KANSL1: variants seen among roughly 807,000 people sequenced by gnomAD.
The protein encoded by KANSL1 is MLL1/MLL complex subunit KANSL1.
In KANSL1, 22 loss-of-function variants were observed where a neutral mutation model predicts 103.6. The ratio of observed to expected loss-of-function variants is 0.21; its 90% CI spans 0.15 to 0.30. The LOEUF is 0.30. Ranked by LOEUF, KANSL1 falls within the 10% of genes least tolerant of loss-of-function variation. The pLI, the probability that KANSL1 is intolerant of heterozygous loss-of-function variation, is 1.00. For missense variants in KANSL1, 1,337 were observed against 1,399.8 expected, an observed-to-expected ratio of 0.96 and a Z score of 0.72; for synonymous variants, 600 against 527.6, an observed-to-expected ratio of 1.14 and a Z score of -1.88.
chr17:46,181,192 G>A (rs2046774205), intron 1 of KANSL1, among the ~76,000 whole-genome samples: 1 of 152,200 alleles, frequency 6.6e-6, no homozygotes, highest in South Asian at 2.1e-4. Context: ...ATAAAGAATG[G>A]AAAGAAAGCT....
rs139564524 is a variant in KANSL1, at chr17:46,171,038, T to C, written c.1106A>G (p.Asn369Ser). Reference sequence around the variant, plus strand: ...TGAAATTGAATTGCTTTTCAGAAAGTTGCTAAGTCCCTCTGAAGTGGTGGT... The same window carrying C: ...TGAAATTGAATTGCTTTTCAGAAAGCTGCTAAGTCCCTCTGAAGTGGTGGT... Reference protein sequence around the residue: ...SETTTSEGLSNFLKSNSISEE... With the variant: ...SETTTSEGLSSFLKSNSISEE... The change falls in exon 2 of 15, where the codon AAC becomes AGC. Residue 369 changes from asparagine (N) to serine (S), a missense_variant. This residue lies in a region of KANSL1 where 557 missense variants were observed against 476.4 expected (regional missense o/e 1.17). Coordinates refer to ENST00000432791, the MANE Select transcript of KANSL1 (RefSeq NM_015443.4). The C allele has an allele frequency of 4.3e-6, 7 of 1,614,100 alleles. No homozygotes were observed. Among genetic ancestry groups the C allele is most frequent in the Middle Eastern group, 1.6e-4 (1 of 6,084 alleles).
chr17:46,056,083 C>T (rs981492022), intron 6 of KANSL1, among the ~76,000 whole-genome samples: 1 of 152,166 alleles, frequency 6.6e-6, no homozygotes, highest in African/African-American at 2.4e-5. Context: ...ACTGCAACCT[C>T]CATCTCCGGG....
intron 9 of KANSL1, 163 bp from the exon 10 acceptor site, chr17:46,038,849 G>T: frequency 1.8e-6 from 2 of 1,119,524 alleles, no homozygotes; most frequent in Non-Finnish European, 2.6e-6. Flanking sequence ...TAGGGGCAGG[G>T]CAGAGGTTGC....
upstream of KANSL1, among the ~76,000 whole-genome samples, chr17:46,197,289 C>T (rs2047643821): frequency 6.6e-6 from 1 of 152,260 alleles, no homozygotes; most frequent in African/African-American, 2.4e-5. Context: ...AATCCACCTA[C>T]AACTCATGTT....
intron 1 of KANSL1, among the ~76,000 whole-genome samples, chr17:46,219,167 G>C (rs1368302375): frequency 6.6e-6 from 1 of 151,960 alleles, no homozygotes; most frequent in Non-Finnish European, 1.5e-5. Flanking sequence ...GGGAGGCTGA[G>C]GCAGGAGAAT....
At chr17:46,037,122 A>G (rs1598452055) in intron 10 of KANSL1, among the ~76,000 whole-genome samples, 1 of 152,318 alleles carries the variant, frequency 6.6e-6, no homozygotes, top group East Asian at 1.9e-4. Context: ...AAATGGTAAA[A>G]ATTTCAAGTG....
At chr17:46,086,937 T>C (rs1335895664) in intron 3 of KANSL1, among the ~76,000 whole-genome samples, 1 of 152,116 alleles carries the variant, frequency 6.6e-6, no homozygotes, top group African/African-American at 2.4e-5. Flanking sequence ...TGGCTAGTTT[T>C]TTGTATTTTT....
At chr17:46,160,236 A>T (rs978914155) in intron 2 of KANSL1, among the ~76,000 whole-genome samples, 8 of 152,066 alleles carry the variant, frequency 5.3e-5, no homozygotes, top group South Asian at 2.1e-4. Context: ...TTCCTTTTTT[A>T]AAAAAAATAA....
chr17:46,051,849 A>C (rs1158798502), intron 6 of KANSL1, among the ~76,000 whole-genome samples: 1 of 152,228 alleles, frequency 6.6e-6, no homozygotes, highest in African/African-American at 2.4e-5. Context: ...ACATAAGAAC[A>C]ATGTGGTCTT....
chr17:46,058,733 ACACACACACACT>A lies in KANSL1; in HGVS notation c.1848+7792_1848+7803del, dbSNP rs1432497198. The stretch of plus-strand genomic sequence containing the variant: ...AAAACACACACACACACACACACAC[ACACACACACACT>A]CTCTCTCTCTCTCTCTCTCTCTCTC... On this transcript the variant is annotated intron_variant, in intron 6 of 14. Transcript: ENST00000432791. 2.0e-3 allele frequency among the ~76,000 whole-genome samples: 124 copies of A among 61,266 alleles called. 1 individual carries two copies. The highest frequency in any genetic ancestry group is 8.3e-3 in the East Asian group (33 of 3,970). 40.2% of individuals were successfully genotyped at this position (61,266 alleles called of 152,430 possible).
At chr17:46,139,786 C>G (rs1225966735) in intron 2 of KANSL1, among the ~76,000 whole-genome samples, 2 of 151,898 alleles carry the variant, frequency 1.3e-5, no homozygotes, top group Non-Finnish European at 2.9e-5. Flanking sequence ...GGAAACTAAC[C>G]CTCCACGAAC....
intron 2 of KANSL1, among the ~76,000 whole-genome samples, chr17:46,144,239 C>G (rs2044578870): frequency 6.6e-6 from 1 of 152,326 alleles, no homozygotes; most frequent in African/African-American, 2.4e-5. Context: ...CTGCACAGTT[C>G]TAGACTTCCT....
intron 2 of KANSL1, among the ~76,000 whole-genome samples, chr17:46,096,067 T>C: frequency 6.6e-6 from 1 of 151,862 alleles, no homozygotes; most frequent in East Asian, 1.9e-4. Flanking sequence ...GGAACCACCA[T>C]TTTTGAAAAA....
At chr17:46,213,221 G>GT (rs1189101345) in intron 1 of KANSL1, among the ~76,000 whole-genome samples, 1 of 152,266 alleles carries the variant, frequency 6.6e-6, no homozygotes, top group Non-Finnish European at 1.5e-5. Context: ...AAAATACTGT[G>GT]TATCTAAACT....
At chr17:46,127,976 C>G (rs1460808773) in intron 2 of KANSL1, among the ~76,000 whole-genome samples, 1 of 149,458 alleles carries the variant, frequency 6.7e-6, no homozygotes, top group Non-Finnish European at 1.5e-5. Flanking sequence ...CCAAACACCC[C>G]TTCCCTAATT....
intron 10 of KANSL1, chr17:46,035,029 C>CAACTCTTGGAAAAAT (rs2077107536): frequency 6.6e-6 from 1 of 152,156 alleles, no homozygotes; most frequent in Non-Finnish European, 1.5e-5. Context: ...ATAAGACTTC[C>CAACTCTTGGAAAAAT]AAGGATCGAA....
intron 4 of KANSL1, among the ~76,000 whole-genome samples, chr17:46,070,746 G>A (rs2078545403): frequency 6.6e-6 from 1 of 151,758 alleles, no homozygotes; most frequent in Non-Finnish European, 1.5e-5. Flanking sequence ...TTTATATATG[G>A]TATATATAAT....
intron 1 of KANSL1, among the ~76,000 whole-genome samples, chr17:46,217,044 GC>G: frequency 6.6e-6 from 1 of 151,944 alleles, no homozygotes; most frequent in Non-Finnish European, 1.5e-5. Flanking sequence ...GGGTTAGGGG[GC>G]TGGAGGTTGC....
At chr17:46,170,431 G>A in intron 2 of KANSL1, 1 of 190,580 alleles carries the variant, frequency 5.2e-6, no homozygotes, top group Non-Finnish European at 1.0e-5. Flanking sequence ...AAAAGCAACT[G>A]TAATTTCCTA....
Sources: allele counts gnomAD v4.1 joint callset (sites outside exome capture counted in the v4.1 genomes callset), GRCh38; gene constraint gnomAD v4.1.1; regional missense constraint gnomAD v4.1.1; transcripts MANE v1.5; gene names NCBI Gene and HGNC (gene_info 2026-07-23, HGNC 2026-07-21).